The following RARB variants were observed in gnomAD, a reference collection of about 807,000 sequenced individuals.
RARB encodes the protein HBV-activated protein.
In RARB, 17 loss-of-function variants were observed where a neutral mutation model predicts 51.9. That is an observed-to-expected ratio of 0.33 (90% CI 0.22 to 0.49). The LOEUF (loss-of-function observed/expected upper bound fraction) is 0.49. Ranked by LOEUF, RARB falls within the 20% of genes least tolerant of loss-of-function variation. The pLI is 0.99. For missense variants in RARB, 369 were observed against 550.8 expected, an observed-to-expected ratio of 0.67 and a Z score of 3.30; for synonymous variants, 215 against 195.4, an observed-to-expected ratio of 1.10 and a Z score of -0.84.
chr3:25,447,609 T>C (rs1709005567), intron 1 of RARB, among the ~76,000 whole-genome samples: 1 of 152,148 alleles, frequency 6.6e-6, no homozygotes, highest in African/African-American at 2.4e-5. Context: ...TGAACAGCAA[T>C]TGAAGGCTCT....
chr3:24,906,833 A>T (rs1175222819), intron 2 of RARB, among the ~76,000 whole-genome samples: 1 of 125,206 alleles, frequency 8.0e-6, no homozygotes, highest in Admixed American at 8.5e-5. Flanking sequence ...CAACAGAATG[A>T]GATTCCGTCT....
intron 1 of RARB, among the ~76,000 whole-genome samples, chr3:25,440,458 A>T (rs1462574868): frequency 6.6e-6 from 1 of 151,870 alleles, no homozygotes; most frequent in Non-Finnish European, 1.5e-5. Context: ...AAAATAAAAA[A>T]AAAAAAAGAA....
chr3:25,325,380 T>C (rs1704684484), intron 5 of RARB, among the ~76,000 whole-genome samples: 1 of 152,124 alleles, frequency 6.6e-6, no homozygotes, highest in Admixed American at 6.5e-5. Flanking sequence ...AGCAAGGTCT[T>C]TGTGTCCTGT....
chr3:25,430,252 T>C (rs1708149458), intron 1 of RARB, among the ~76,000 whole-genome samples: 1 of 152,208 alleles, frequency 6.6e-6, no homozygotes, highest in Admixed American at 6.5e-5. Flanking sequence ...TGCCTTTTCT[T>C]TTTTGGTGCC....
Position 25,580,668 on chromosome 3 carries a change from C to T in RARB, c.732C>T (p.Gly244=). ...EFAKRLPGFT[G]LTIADQITLL... is the part of the protein sequence containing the mutation. Reference sequence around the variant, plus strand: ...CTAAACGTCTGCCTGGTTTCACTGGCTTGACCATCGCAGACCAAATTACCC... The same window carrying T: ...CTAAACGTCTGCCTGGTTTCACTGGTTTGACCATCGCAGACCAAATTACCC... The change falls in exon 5 of 8, where the codon GGC becomes GGT. Residue 244 remains glycine, a synonymous_variant. Transcript: ENST00000330688. 6.2e-7 allele frequency: 1 copy of T among 1,612,986 alleles called. No individual in the cohort carries two copies. The highest frequency in any genetic ancestry group is 8.5e-7 in the Non-Finnish European group (1 of 1,179,124).
At chr3:25,243,795 G>A (rs1575250392) in intron 5 of RARB, among the ~76,000 whole-genome samples, 1 of 152,124 alleles carries the variant, frequency 6.6e-6, no homozygotes, top group East Asian at 1.9e-4. Context: ...TCTCTTTCAG[G>A]TTTTGGTATC....
At chr3:25,232,196 G>A (rs890049048) in intron 5 of RARB, among the ~76,000 whole-genome samples, 1 of 152,016 alleles carries the variant, frequency 6.6e-6, no homozygotes, top group East Asian at 1.9e-4. Context: ...TGATCTATGT[G>A]TTTATCCTTT....
At chr3:25,548,577 A>G (rs949020877) in intron 3 of RARB, among the ~76,000 whole-genome samples, 8 of 149,536 alleles carry the variant, frequency 5.3e-5, no homozygotes, top group Non-Finnish European at 8.9e-5. Flanking sequence ...CCTGCATTAT[A>G]GAGGATGTTT....
chr3:24,923,619 A>G (rs1695262171), intron 2 of RARB, among the ~76,000 whole-genome samples: 1 of 152,122 alleles, frequency 6.6e-6, no homozygotes, highest in African/African-American at 2.4e-5. Context: ...TGGACTTAGC[A>G]CTAACCACAG....
At chr3:25,496,418 T>A (rs1489973578) in intron 2 of RARB, among the ~76,000 whole-genome samples, 1 of 152,164 alleles carries the variant, frequency 6.6e-6, no homozygotes, top group African/African-American at 2.4e-5. Context: ...GTCCACCAAC[T>A]TGTCAGCTCA....
At chr3:24,893,243 C>T (rs1260385729) in intron 2 of RARB, among the ~76,000 whole-genome samples, 2 of 152,178 alleles carry the variant, frequency 1.3e-5, no homozygotes, top group East Asian at 3.8e-4. Context: ...TTGACAAACA[C>T]TGTCATAATA....
At chr3:25,364,439 C>G (rs1706049721) in intron 5 of RARB, among the ~76,000 whole-genome samples, 1 of 152,196 alleles carries the variant, frequency 6.6e-6, no homozygotes. Flanking sequence ...CAAATTTACA[C>G]AAAATGTGGG....
chr3:25,392,889 T>C (rs905273712), intron 5 of RARB, among the ~76,000 whole-genome samples: 4 of 152,168 alleles, frequency 2.6e-5, no homozygotes, highest in African/African-American at 4.8e-5. Context: ...TTTCTTTCTC[T>C]TGTCTGATTG....
At chr3:25,227,118 T>C (rs1312193257) in intron 5 of RARB, among the ~76,000 whole-genome samples, 1 of 152,234 alleles carries the variant, frequency 6.6e-6, no homozygotes, top group Non-Finnish European at 1.5e-5. Context: ...ACAGCATGTT[T>C]GCCATTTAAG....
chr3:25,047,199 G>A (rs1186431269), intron 2 of RARB, among the ~76,000 whole-genome samples: 1 of 152,134 alleles, frequency 6.6e-6, no homozygotes, highest in African/African-American at 2.4e-5. Flanking sequence ...GGGTAATTAG[G>A]TAATTCCAAG....
intron 3 of RARB, among the ~76,000 whole-genome samples, chr3:25,080,160 G>A (rs559319047): frequency 5.3e-5 from 8 of 152,110 alleles, no homozygotes; most frequent in Non-Finnish European, 8.8e-5. Flanking sequence ...CCTGTTTTGG[G>A]TATTTCATAA....
At chr3:25,456,473 G>C (rs1013778847) in intron 1 of RARB, among the ~76,000 whole-genome samples, 5 of 149,152 alleles carry the variant, frequency 3.4e-5, no homozygotes, top group Admixed American at 3.3e-4. Context: ...CCATATCCTG[G>C]TTTCCTGGTT....
intron 4 of RARB, among the ~76,000 whole-genome samples, chr3:25,167,382 T>G (rs557690556): frequency 3.0e-4 from 46 of 152,270 alleles, no homozygotes; most frequent in African/African-American, 1.1e-3. Context: ...TGACAAGAAA[T>G]GGCACCAACT....
chr3:25,144,012 G>GT (rs1442854539), intron 4 of RARB, among the ~76,000 whole-genome samples: 2 of 152,156 alleles, frequency 1.3e-5, no homozygotes, highest in African/African-American at 4.8e-5. Flanking sequence ...CCTTGCCAGA[G>GT]TCAAAGGCCC....
Sources: allele counts gnomAD v4.1 joint callset (sites outside exome capture counted in the v4.1 genomes callset), GRCh38; gene constraint gnomAD v4.1.1; transcripts MANE v1.5; gene names NCBI Gene and HGNC (gene_info 2026-07-23, HGNC 2026-07-21).